Variants in CTNNA3 observed in about 807,000 individuals in gnomAD.
The protein encoded by CTNNA3 is catenin alpha-3.
A neutral mutation model predicts 95.7 loss-of-function variants in CTNNA3; 76 were observed. That is an observed-to-expected ratio of 0.79 (90% confidence interval 0.66 to 0.96). CTNNA3 has a LOEUF of 0.96. Ranked by LOEUF, CTNNA3 falls within the 40% of genes least tolerant of loss-of-function variation. The pLI, the probability that CTNNA3 is intolerant of heterozygous loss-of-function variation, is 0.00. For synonymous variants in CTNNA3, 431 were observed against 374.4 expected (o/e 1.15, Z -1.74); for missense variants, 1,191 against 1,089.8 (o/e 1.09, Z -1.31).
chr10:67,165,161 C>A (rs997999812), intron 7 of CTNNA3, among the ~76,000 whole-genome samples: 18 of 152,244 alleles, frequency 1.2e-4, no homozygotes, highest in African/African-American at 4.1e-4. Flanking sequence ...CCATGGAATA[C>A]TAATTAGCAA....
At chr10:66,981,890 G>T (rs1850462431) in intron 7 of CTNNA3, among the ~76,000 whole-genome samples, 1 of 152,128 alleles carries the variant, frequency 6.6e-6, no homozygotes, top group African/African-American at 2.4e-5. Context: ...TGCTCCCAAA[G>T]TTGCATCAAA....
chr10:66,972,821 G>C (rs1849801699), intron 7 of CTNNA3, among the ~76,000 whole-genome samples: 1 of 147,130 alleles, frequency 6.8e-6, no homozygotes, highest in Non-Finnish European at 1.5e-5. Context: ...AGTGATTCTT[G>C]TGCCTCAGCC....
chr10:66,478,933 C>A (rs1046926558), intron 11 of CTNNA3, among the ~76,000 whole-genome samples: 2 of 151,864 alleles, frequency 1.3e-5, no homozygotes, highest in East Asian at 3.9e-4. Context: ...TTACCATTTT[C>A]CCCCTTATAG....
At chr10:66,299,799 G>A (rs535021934) in intron 12 of CTNNA3, among the ~76,000 whole-genome samples, 1 of 152,146 alleles carries the variant, frequency 6.6e-6, no homozygotes, top group African/African-American at 2.4e-5. Flanking sequence ...TTACTAAAAG[G>A]CCCACAGTAA....
At chr10:66,426,556 T>A (rs1372496345) in intron 11 of CTNNA3, among the ~76,000 whole-genome samples, 1 of 152,060 alleles carries the variant, frequency 6.6e-6, no homozygotes, top group Non-Finnish European at 1.5e-5. Context: ...AGGCTGGTAG[T>A]GATTTTCACA....
intron 5 of CTNNA3, among the ~76,000 whole-genome samples, chr10:67,377,622 G>T (rs2394380): frequency 0.89 from 135,120 of 152,106 alleles, 61,129 homozygotes; most frequent in East Asian, 1. Context: ...TCTATAAAAA[G>T]AGCTTATTTT....
chr10:66,233,702 A>T (rs2089708107), intron 13 of CTNNA3, among the ~76,000 whole-genome samples: 1 of 152,130 alleles, frequency 6.6e-6, no homozygotes, highest in Non-Finnish European at 1.5e-5. Context: ...AAGCAATACT[A>T]TTTCACTTCT....
Position 67,176,999 on chromosome 10 carries a change from T to A in CTNNA3, c.1047+3318A>T, listed in dbSNP as rs1406374405. The stretch of plus-strand genomic sequence containing the variant: ...TGATTACAGAGCTGAAAGACAGAAA[T>A]TTGTGTGGTTTAAGACACTAAGTGT... On this transcript the variant is annotated intron_variant, in intron 7 of 17. Coordinates refer to ENST00000433211, the MANE Select transcript of CTNNA3 (RefSeq NM_013266.4). 1.6e-5 allele frequency: 8 copies of A among 488,238 alleles called. No individual in the cohort carries two copies. The Admixed American group carries it at 1.7e-4, about 10-fold the overall frequency. 30.2% of individuals were successfully genotyped at this position (488,238 alleles called of 1,614,324 possible). A position where few individuals can be genotyped will look rare whatever the true frequency, so the allele number is the denominator to read the frequency against.
intron 7 of CTNNA3, among the ~76,000 whole-genome samples, chr10:66,880,773 G>A (rs1362560163): frequency 6.6e-6 from 1 of 151,814 alleles, no homozygotes; most frequent in Non-Finnish European, 1.5e-5. Flanking sequence ...AATTTCTTTT[G>A]CTCATAGCAA....
At chr10:67,563,558 T>G (rs369380719) in intron 3 of CTNNA3, among the ~76,000 whole-genome samples, 4,365 of 152,122 alleles carry the variant, frequency 0.029, 84 homozygotes, top group South Asian at 0.1. Context: ...AACCTAGGCA[T>G]TACCATTCAG....
At chr10:67,228,695 C>T (rs1024815662) in intron 5 of CTNNA3, among the ~76,000 whole-genome samples, 12 of 152,072 alleles carry the variant, frequency 7.9e-5, no homozygotes, top group South Asian at 2.1e-4. Flanking sequence ...ACTGTGAACA[C>T]CTTTATGCAG....
chr10:67,515,268 G>A (rs1257542598), intron 5 of CTNNA3, among the ~76,000 whole-genome samples: 1 of 152,120 alleles, frequency 6.6e-6, no homozygotes, highest in Admixed American at 6.6e-5. Context: ...ATGATCAAAT[G>A]GCTATTGCAA....
At chr10:66,593,145 G>A (rs1279092648) in intron 10 of CTNNA3, among the ~76,000 whole-genome samples, 1 of 152,142 alleles carries the variant, frequency 6.6e-6, no homozygotes, top group African/African-American at 2.4e-5. Flanking sequence ...CATTATGTAA[G>A]AATTTATTAG....
chr10:66,972,453 C>A lies in CTNNA3; in HGVS notation c.1048-196929G>T, dbSNP rs76569815. Among the ~76,000 whole-genome samples, 62 of 152,134 alleles carry A rather than the reference C, an allele frequency of 4.1e-4. 2 individuals carry two copies. The East Asian group carries it at 0.012, about 28-fold the overall frequency. On this transcript the variant is annotated intron_variant, in intron 7 of 17. Transcript: ENST00000433211. ...CTAAGGCACGCACCACTGTGCCTTGCAGAATACATTTTATTAACGTAAAAA... is the reference window on the plus strand; with the variant it reads ...CTAAGGCACGCACCACTGTGCCTTGAAGAATACATTTTATTAACGTAAAAA...
chr10:67,369,699 G>A (rs1843346656), intron 5 of CTNNA3, among the ~76,000 whole-genome samples: 1 of 152,102 alleles, frequency 6.6e-6, no homozygotes, highest in Admixed American at 6.5e-5. Flanking sequence ...GAACAAATAT[G>A]CATATGTACA....
intron 7 of CTNNA3, among the ~76,000 whole-genome samples, chr10:67,073,345 G>A (rs1856567547): frequency 6.6e-6 from 1 of 152,128 alleles, no homozygotes; most frequent in South Asian, 2.1e-4. Flanking sequence ...ACCTGGAACA[G>A]TATTTTACCT....
intron 5 of CTNNA3, among the ~76,000 whole-genome samples, chr10:67,456,848 C>T (rs950753216): frequency 3.3e-5 from 5 of 152,052 alleles, no homozygotes; most frequent in Admixed American, 6.6e-5. Flanking sequence ...AAGATGTTCA[C>T]AGCAATGTAA....
intron 13 of CTNNA3, among the ~76,000 whole-genome samples, chr10:66,115,524 T>TA (rs374668646): frequency 2.9e-5 from 4 of 137,524 alleles, no homozygotes; most frequent in Non-Finnish European, 3.1e-5. Flanking sequence ...GATAGATAGA[T>TA]GATAGATAGA....
chr10:67,392,915 G>A (rs1249050987), intron 5 of CTNNA3, among the ~76,000 whole-genome samples: 2 of 152,126 alleles, frequency 1.3e-5, no homozygotes, highest in Non-Finnish European at 2.9e-5. Context: ...GTGGGGTGGG[G>A]GGAAGCAGGA....
Sources: allele counts gnomAD v4.1 joint callset (sites outside exome capture counted in the v4.1 genomes callset), GRCh38; gene constraint gnomAD v4.1.1; transcripts MANE v1.5; gene names NCBI Gene and HGNC (gene_info 2026-07-23, HGNC 2026-07-21).